The following PINX1 variants were observed in gnomAD, a reference collection of about 807,000 sequenced individuals.
PINX1 encodes PIN2/TERF1-interacting telomerase inhibitor 1.
Under a neutral mutation model 25.4 loss-of-function variants are expected in PINX1, and 34 were observed. That is an observed-to-expected ratio of 1.34 (90% confidence interval 1.02 to 1.78). PINX1 has a LOEUF of 1.78. PINX1 is among the 40% of genes most tolerant of loss of function. PINX1 has a pLI of 0.00. For missense variants in PINX1, 592 were observed against 404.9 expected, an observed-to-expected ratio of 1.46 and a Z score of -3.97; for synonymous variants, 197 against 147.7, an observed-to-expected ratio of 1.33 and a Z score of -2.42.
chr8:10,825,269 A>C, intron 5 of PINX1: 1 of 519,956 alleles, frequency 1.9e-6, no homozygotes, highest in South Asian at 1.4e-5. Context: ...CCTGATACGC[A>C]TGACATTCCT....
At chr8:10,824,694 G>T (rs1364580337) in intron 5 of PINX1, among the ~76,000 whole-genome samples, 3 of 152,228 alleles carry the variant, frequency 2.0e-5, no homozygotes, top group African/African-American at 7.2e-5. Context: ...CATGCATGCA[G>T]TCTGGCATCA....
At chr8:10,827,554 G>T (rs1798090945) in intron 4 of PINX1, among the ~76,000 whole-genome samples, 1 of 151,958 alleles carries the variant, frequency 6.6e-6, no homozygotes, top group South Asian at 2.1e-4. Context: ...ATCATAGGCA[G>T]AAGAGAGACT....
intron 6 of PINX1, among the ~76,000 whole-genome samples, chr8:10,774,901 G>A (rs1041739483): frequency 4.6e-5 from 7 of 151,990 alleles, no homozygotes; most frequent in African/African-American, 7.2e-5. Context: ...ATAAAATTCC[G>A]AAATTAGTCA....
At chr8:10,777,352 T>C (rs1801426280) in intron 6 of PINX1, among the ~76,000 whole-genome samples, 1 of 152,270 alleles carries the variant, frequency 6.6e-6, no homozygotes, top group East Asian at 1.9e-4. Flanking sequence ...CAAGCCCCGT[T>C]TGAAGTCCTT....
chr8:10,772,067 C>G (rs1415671699), intron 6 of PINX1, among the ~76,000 whole-genome samples: 1 of 152,238 alleles, frequency 6.6e-6, no homozygotes, highest in Non-Finnish European at 1.5e-5. Flanking sequence ...CTGCCACGTT[C>G]TTTTTGTGGG....
chr8:10,786,349 A>G (rs1374068598), intron 6 of PINX1, among the ~76,000 whole-genome samples: 1 of 152,150 alleles, frequency 6.6e-6, no homozygotes, highest in Non-Finnish European at 1.5e-5. Context: ...TCTTTCTACA[A>G]CACCAAGTAG....
At chr8:10,803,715 G>T (rs190430923) in intron 6 of PINX1, among the ~76,000 whole-genome samples, 12 of 152,288 alleles carry the variant, frequency 7.9e-5, no homozygotes, top group African/African-American at 2.9e-4. Context: ...AGCACACAAG[G>T]TCTGCTTGTT....
intron 6 of PINX1, among the ~76,000 whole-genome samples, chr8:10,785,846 C>G (rs1801731145): frequency 6.6e-6 from 1 of 152,182 alleles, no homozygotes; most frequent in East Asian, 1.9e-4. Context: ...TCTAATGGAA[C>G]ACAAATAGTG....
intron 5 of PINX1, among the ~76,000 whole-genome samples, chr8:10,824,023 A>G (rs933263273): frequency 7.9e-5 from 12 of 152,196 alleles, no homozygotes; most frequent in Non-Finnish European, 1.5e-4. Flanking sequence ...AACTAAGTGA[A>G]TGAGTTACAG....
At chr8:10,795,217 T>A (rs181186845) in intron 6 of PINX1, among the ~76,000 whole-genome samples, 143 of 152,316 alleles carry the variant, frequency 9.4e-4, no homozygotes, top group African/African-American at 3.3e-3. Flanking sequence ...CTAAGGATTA[T>A]CAAACCTCTG....
intron 6 of PINX1, among the ~76,000 whole-genome samples, chr8:10,781,303 T>C (rs1801578254): frequency 1.3e-5 from 2 of 152,266 alleles, no homozygotes; most frequent in South Asian, 4.1e-4. Flanking sequence ...ATAATGTGGA[T>C]ATCACACCAA....
chr8:10,800,874 C>T (rs934027862), intron 6 of PINX1, among the ~76,000 whole-genome samples: 7 of 152,196 alleles, frequency 4.6e-5, no homozygotes, highest in Non-Finnish European at 8.8e-5. Flanking sequence ...TTGATCCAGG[C>T]GCTCAGCTTA....
At chr8:10,783,711 A>T (rs1374568542) in intron 6 of PINX1, among the ~76,000 whole-genome samples, 1 of 152,236 alleles carries the variant, frequency 6.6e-6, no homozygotes, top group Non-Finnish European at 1.5e-5. Flanking sequence ...GGGTAGCAAG[A>T]AAAACATCTG....
chr8:10,789,688 G>C (rs1049179403), intron 6 of PINX1, among the ~76,000 whole-genome samples: 1 of 152,200 alleles, frequency 6.6e-6, no homozygotes, highest in Non-Finnish European at 1.5e-5. Context: ...AGCTGCTAAA[G>C]AGACAAAACG....
At chr8:10,778,859 A>T (rs982871626) in intron 6 of PINX1, among the ~76,000 whole-genome samples, 1 of 152,228 alleles carries the variant, frequency 6.6e-6, no homozygotes, top group African/African-American at 2.4e-5. Flanking sequence ...AGATTGTCCA[A>T]GAGGGTGGGC....
intron 6 of PINX1, among the ~76,000 whole-genome samples, chr8:10,801,366 T>C (rs1306787307): frequency 6.6e-6 from 1 of 152,248 alleles, no homozygotes; most frequent in African/African-American, 2.4e-5. Flanking sequence ...ATTTGCTTTA[T>C]GCCTTAAAGA....
chr8:10,836,271 T>G (rs1390307586), intron 1 of PINX1, among the ~76,000 whole-genome samples: 2 of 152,168 alleles, frequency 1.3e-5, no homozygotes, highest in Non-Finnish European at 2.9e-5. Flanking sequence ...GGCTCGAATT[T>G]GTAGTGTTTT....
intron 6 of PINX1, among the ~76,000 whole-genome samples, chr8:10,819,623 T>G (rs1431698928): frequency 2.0e-5 from 3 of 152,254 alleles, no homozygotes; most frequent in Non-Finnish European, 4.4e-5. Flanking sequence ...ATTATGGAGT[T>G]CATTCCATTG....
intron 4 of PINX1, among the ~76,000 whole-genome samples, chr8:10,829,875 G>A (rs888141353): frequency 3.3e-5 from 5 of 152,082 alleles, no homozygotes; most frequent in Non-Finnish European, 7.3e-5. Context: ...GGAGAGACAG[G>A]GTTTCTCCAT....
Sources: gnomAD v4.1 joint callset for allele counts (sites outside exome capture counted in the v4.1 genomes callset) on GRCh38, gnomAD v4.1.1 for gene constraint, MANE v1.5 for transcripts, NCBI Gene and HGNC (gene_info 2026-07-23, HGNC 2026-07-21) for gene names.